The following FBXL7 variants were observed in gnomAD, a reference collection of about 807,000 sequenced individuals.
FBXL7 encodes F-box and leucine rich repeat protein 7.
FBXL7 carries 12 observed loss-of-function variants against 38.3 expected under a neutral mutation model. The ratio of observed to expected loss-of-function variants is 0.31; its 90% CI spans 0.20 to 0.51. The LOEUF is 0.51. FBXL7 is among the 20% of genes least tolerant of loss of function. The probability of loss-of-function intolerance (pLI) is 0.98; values close to 1 mark genes in which losing one functional copy is unlikely to be tolerated. For missense variants in FBXL7, 567 were observed against 676.4 expected (o/e 0.84, Z 1.79); for synonymous variants, 297 against 300.9 (o/e 0.99, Z 0.13).
At chr5:15,799,024 A>G (rs1346512369) in intron 2 of FBXL7, among the ~76,000 whole-genome samples, 2 of 152,220 alleles carry the variant, frequency 1.3e-5, no homozygotes, top group African/African-American at 2.4e-5. Flanking sequence ...ACATTTTTCT[A>G]TGTACTGACA....
intron 2 of FBXL7, among the ~76,000 whole-genome samples, chr5:15,674,425 A>G (rs1003904934): frequency 6.6e-6 from 1 of 152,234 alleles, no homozygotes; most frequent in Middle Eastern, 3.2e-3. Flanking sequence ...AGGCACTGAT[A>G]GCAATGACCA....
intron 2 of FBXL7, among the ~76,000 whole-genome samples, chr5:15,843,642 T>TA (rs1440157170): frequency 1.3e-5 from 2 of 152,176 alleles, no homozygotes; most frequent in African/African-American, 2.4e-5. Flanking sequence ...AAGAGGACTT[T>TA]AAAATCTCTA....
At chr5:15,636,101 G>GTT (rs199871218) in intron 2 of FBXL7, among the ~76,000 whole-genome samples, 1 of 140,922 alleles carries the variant, frequency 7.1e-6, no homozygotes, top group Non-Finnish European at 1.6e-5. Context: ...TTGTATATCT[G>GTT]TTTTTTTTTT....
intron 1 of FBXL7, among the ~76,000 whole-genome samples, chr5:15,552,840 T>A (rs1738119664): frequency 6.6e-6 from 1 of 152,116 alleles, no homozygotes; most frequent in South Asian, 2.1e-4. Flanking sequence ...TCCCAGCACT[T>A]TGGGAGGCTG....
At chr5:15,814,847 A>G (rs1044965358) in intron 2 of FBXL7, among the ~76,000 whole-genome samples, 17 of 152,088 alleles carry the variant, frequency 1.1e-4, no homozygotes, top group Non-Finnish European at 8.8e-5. Context: ...ACATCCCACC[A>G]TATTTTTCTT....
In FBXL7 at chr5:15,706,701, C is replaced by T. The variant is rs1005286365; in HGVS notation, c.127+90629C>T. ...TGGAAAAAACAAAAAAACAAAAGAA[C>T]AACAACTACCTGGAAGTGGGTTAAA... is the stretch of plus-strand genomic sequence containing the variant. On this transcript the variant is annotated intron_variant, in intron 2 of 3. Coordinates refer to ENST00000504595, the MANE Select transcript of FBXL7 (RefSeq NM_012304.5). 9.9e-5 allele frequency among the ~76,000 whole-genome samples: 15 copies of T among 152,232 alleles called. No homozygotes were observed. In the East Asian group the frequency reaches 2.7e-3, roughly 27 times the overall value.
intron 1 of FBXL7, among the ~76,000 whole-genome samples, chr5:15,560,942 G>A (rs762678871): frequency 6.6e-6 from 1 of 152,104 alleles, no homozygotes; most frequent in South Asian, 2.1e-4. Context: ...GGTGTACAAT[G>A]TGATGTTTTA....
chr5:15,591,883 T>C (rs1446439103), intron 1 of FBXL7, among the ~76,000 whole-genome samples: 1 of 152,102 alleles, frequency 6.6e-6, no homozygotes, highest in Non-Finnish European at 1.5e-5. Flanking sequence ...GCTAATTCTT[T>C]GTATTTTTAG....
chr5:15,711,655 C>T (rs568409807), intron 2 of FBXL7, among the ~76,000 whole-genome samples: 49 of 152,186 alleles, frequency 3.2e-4, no homozygotes, highest in Non-Finnish European at 4.4e-4. Flanking sequence ...GAATGAATGG[C>T]ATCCCTACAA....
At chr5:15,614,724 T>C (rs113488185) in intron 1 of FBXL7, among the ~76,000 whole-genome samples, 27 of 152,350 alleles carry the variant, frequency 1.8e-4, no homozygotes, top group African/African-American at 6.0e-4. Flanking sequence ...AATGAAGGCA[T>C]TGGCCAGGGC....
chr5:15,862,943 C>T (rs1739539148), intron 2 of FBXL7, among the ~76,000 whole-genome samples: 1 of 152,204 alleles, frequency 6.6e-6, no homozygotes, highest in Admixed American at 6.5e-5. Flanking sequence ...TCATTCCCAT[C>T]TAAGAAAGCC....
At chr5:15,758,849 A>G (rs1009023385) in intron 2 of FBXL7, among the ~76,000 whole-genome samples, 3 of 152,188 alleles carry the variant, frequency 2.0e-5, no homozygotes, top group Non-Finnish European at 2.9e-5. Flanking sequence ...AATTATGGTA[A>G]GTTTTTGAAA....
At chr5:15,521,305 G>A (rs1372575666) in intron 1 of FBXL7, among the ~76,000 whole-genome samples, 1 of 152,204 alleles carries the variant, frequency 6.6e-6, no homozygotes, top group Non-Finnish European at 1.5e-5. Flanking sequence ...AAGATGCTTT[G>A]ATGCTGTTGC....
chr5:15,846,004 A>G (rs1449544093), intron 2 of FBXL7, among the ~76,000 whole-genome samples: 1 of 152,196 alleles, frequency 6.6e-6, no homozygotes, highest in Non-Finnish European at 1.5e-5. Context: ...TAAATGAATA[A>G]AGTAAAAAGT....
At chr5:15,551,985 A>G (rs776359568) in intron 1 of FBXL7, among the ~76,000 whole-genome samples, 8 of 152,198 alleles carry the variant, frequency 5.3e-5, no homozygotes, top group Admixed American at 4.6e-4. Flanking sequence ...ACATGAAACA[A>G]TGCATCCCGT....
At chr5:15,777,748 T>TAAAAAAAAAAAAAAAAA (rs1250146374) in intron 2 of FBXL7, among the ~76,000 whole-genome samples, 160 of 89,334 alleles carry the variant, frequency 1.8e-3, no homozygotes, top group African/African-American at 4.3e-3. Context: ...AAAAAAAAAG[T>TAAAAAAAAAAAAAAAAA]AAATTCCAGT....
chr5:15,794,318 C>A (rs1737358549), intron 2 of FBXL7, among the ~76,000 whole-genome samples: 3 of 152,194 alleles, frequency 2.0e-5, no homozygotes, highest in Admixed American at 2.0e-4. Flanking sequence ...GCAGTGACAT[C>A]TCCTGGCTGA....
At chr5:15,610,496 C>A (rs555908107) in intron 1 of FBXL7, among the ~76,000 whole-genome samples, 1 of 152,296 alleles carries the variant, frequency 6.6e-6, no homozygotes, top group Non-Finnish European at 1.5e-5. Context: ...GCTTGACTTG[C>A]AAGAATGTCG....
At chr5:15,688,765 C>T (rs1329346437) in intron 2 of FBXL7, among the ~76,000 whole-genome samples, 1 of 152,166 alleles carries the variant, frequency 6.6e-6, no homozygotes, top group Non-Finnish European at 1.5e-5. Flanking sequence ...CAGAACATGC[C>T]TGGTTTCCTC....
Sources: gnomAD v4.1 joint callset for allele counts (sites outside exome capture counted in the v4.1 genomes callset) on GRCh38, gnomAD v4.1.1 for gene constraint, MANE v1.5 for transcripts, NCBI Gene and HGNC (gene_info 2026-07-23, HGNC 2026-07-21) for gene names.